RS1: variants seen among roughly 807,000 people sequenced by gnomAD.
The protein encoded by RS1 is retinoschisin.
RS1 carries 2 observed loss-of-function variants against 20.8 expected under a neutral mutation model. The ratio of observed to expected loss-of-function variants is 0.10; its 90% CI spans 0.04 to 0.30. RS1 has a LOEUF of 0.30. Among genes scored for constraint, RS1 ranks in the 10% least tolerant of loss-of-function variants. RS1 has a pLI of 1.00. For missense variants in RS1, 151 were observed against 189.8 expected (o/e 0.80, Z 1.20); for synonymous variants, 70 against 75.8 (o/e 0.92, Z 0.40).
chrX:18,647,644 A>C, intron 3 of RS1: 1 of 303,846 alleles, frequency 3.3e-6, no homozygotes, highest in Non-Finnish European at 5.9e-6. Context: ...TCCTCCACCA[A>C]CTTAGAGATC....
rs930897014 is a variant in RS1, at chrX:18,640,819, C to T, written c.*1185G>A. 8.9e-6 allele frequency: 1 copy of T among 112,546 alleles called. No individual in the cohort carries two copies. Among genetic ancestry groups the T allele is most frequent in the Admixed American group, 9.4e-5 (1 of 10,635 alleles). The allele number at this position is 112,546 out of a possible 1,213,427, so 9.3% of individuals were successfully genotyped here. On this transcript the variant is annotated 3_prime_UTR_variant, in exon 6 of 6. Coordinates refer to ENST00000379984, the MANE Select transcript of RS1 (RefSeq NM_000330.4). The stretch of plus-strand genomic sequence containing the variant: ...TCTCCATATCCCTCTCCTGCCCCTC[C>T]CCCGTGTTAACAGCCTCTCCCAGGA...
At chrX:18,661,993 C>G (rs1455356359) in intron 1 of RS1, among the ~76,000 whole-genome samples, 2 of 111,949 alleles carry the variant, frequency 1.8e-5, no homozygotes, top group Non-Finnish European at 3.8e-5. Context: ...TCCGTGGGCA[C>G]AGGCCTGGGG....
chrX:18,645,665 C>T (rs918879532), intron 4 of RS1, among the ~76,000 whole-genome samples: 1 of 111,372 alleles, frequency 9.0e-6, no homozygotes, highest in Non-Finnish European at 1.9e-5. Context: ...CAACTACTCT[C>T]CCTGGATTGC....
At chrX:18,644,993 C>G (rs1389046370) in intron 4 of RS1, among the ~76,000 whole-genome samples, 2 of 112,092 alleles carry the variant, frequency 1.8e-5, no homozygotes, top group African/African-American at 6.5e-5. Context: ...GCTTGAGACT[C>G]CCAGGGTGAA....
intron 1 of RS1, among the ~76,000 whole-genome samples, chrX:18,669,448 G>A (rs374150481): frequency 1.1e-5 from 1 of 93,376 alleles, no homozygotes; most frequent in East Asian, 3.7e-4. Flanking sequence ...CCGAGATCAC[G>A]CCACTGCACT....
rs976721012 is a variant in RS1 at position 18,645,074 on chromosome X, C to CAG, written c.327-451_327-450dup. 5.8e-4 allele frequency among the ~76,000 whole-genome samples: 65 copies of CAG among 112,462 alleles called. 1 individual carries two copies. The highest frequency in any genetic ancestry group is 2.1e-3 in the African/African-American group (64 of 30,913). ...CGGTTGGTGACATTCCTGCCTCGTG[C>CAG]AGAGCACTGACCCATGTGGATCTAG... is the stretch of plus-strand genomic sequence containing the variant. On this transcript the variant is annotated intron_variant, in intron 4 of 5. Transcript: ENST00000379984.
rs56314934 is a variant in RS1 at position 18,663,336 on chromosome X, C to CT, written c.53-5672dup. On this transcript the variant is annotated intron_variant, in intron 1 of 5. Transcript: ENST00000379984. ...TACAGGCGTGAGCCACTGTGCCTGGCTTTTTTTTTTTTTTTTTTTTTTTTT... is the reference window on the plus strand; with the variant it reads ...TACAGGCGTGAGCCACTGTGCCTGGCTTTTTTTTTTTTTTTTTTTTTTTTTT... 5.8e-3 allele frequency among the ~76,000 whole-genome samples: 165 copies of CT among 28,281 alleles called. 4 individuals carry two copies. Among genetic ancestry groups the CT allele is most frequent in the Admixed American group, 0.015 (26 of 1,696 alleles). The allele number at this position is 28,281 out of a possible 115,157, so 24.6% of individuals were successfully genotyped here.
In RS1 at chrX:18,641,202, G is replaced by C. The variant is rs1414488699; in HGVS notation, c.*802C>G. ...AATTGTACTGTGTTGTGGTCATTTG[G>C]GGTCCCTACATATACTGAGATGTGC... On this transcript the variant is annotated 3_prime_UTR_variant, in exon 6 of 6. Coordinates refer to ENST00000379984, the MANE Select transcript of RS1 (RefSeq NM_000330.4). 1 of 111,722 alleles carries C rather than the reference G, an allele frequency of 9.0e-6. No homozygotes were observed. The highest frequency in any genetic ancestry group is 3.3e-5 in the African/African-American group (1 of 30,688). 9.2% of individuals were successfully genotyped at this position (111,722 alleles called of 1,213,427 possible).
In RS1 at chrX:18,671,329, A is replaced by G. The variant is rs186873796; in HGVS notation, c.52+688T>C. On this transcript the variant is annotated intron_variant, in intron 1 of 5. Transcript: ENST00000379984. The stretch of plus-strand genomic sequence containing the variant: ...TGGGTACTTGAGAATTGAGAGAGGC[A>G]TGAAAGAATATTATTTCAAAGATTG... Among the ~76,000 whole-genome samples, 74 of 112,563 alleles carry G rather than the reference A, an allele frequency of 6.6e-4. 2 individuals are homozygous for G. The highest frequency in any genetic ancestry group is 2.3e-3 in the African/African-American group (70 of 31,058).
intron 4 of RS1, among the ~76,000 whole-genome samples, chrX:18,645,303 C>T (rs1404105652): frequency 9.0e-6 from 1 of 111,163 alleles, no homozygotes; most frequent in African/African-American, 3.3e-5. Context: ...CCTTGGGTGG[C>T]TCCTGACTTT....
At chrX:18,652,842 G>A (rs751491835) in intron 3 of RS1, among the ~76,000 whole-genome samples, 7 of 112,491 alleles carry the variant, frequency 6.2e-5, no homozygotes, top group Non-Finnish European at 1.1e-4. Flanking sequence ...GAGCCATGAT[G>A]TGATCATGAG....
At chrX:18,664,104 CAT>C (rs896851345) in intron 1 of RS1, among the ~76,000 whole-genome samples, 4 of 112,340 alleles carry the variant, frequency 3.6e-5, no homozygotes, top group Admixed American at 2.8e-4. Context: ...AAACCAAAAA[CAT>C]GTGCTAGATG....
At chrX:18,651,782 A>T (rs2147199479) in intron 3 of RS1, among the ~76,000 whole-genome samples, 1 of 112,127 alleles carries the variant, frequency 8.9e-6, no homozygotes, top group East Asian at 2.8e-4. Flanking sequence ...GACATTTCCC[A>T]CACTGTGTGT....
chrX:18,666,775 G>A (rs1468054084), intron 1 of RS1, among the ~76,000 whole-genome samples: 3 of 110,629 alleles, frequency 2.7e-5, no homozygotes, highest in African/African-American at 9.9e-5. Flanking sequence ...CAGGATCTGC[G>A]GGCAGATTAC....
At chrX:18,651,264 T>TGTGTGA (rs1491242962) in intron 3 of RS1, among the ~76,000 whole-genome samples, 23 of 69,010 alleles carry the variant, frequency 3.3e-4, no homozygotes, top group African/African-American at 1.1e-3. Flanking sequence ...TGTGTGTGTG[T>TGTGTGA]GAGAGAGAGA....
At chrX:18,648,082 A>T (rs183569290) in intron 3 of RS1, among the ~76,000 whole-genome samples, 1 of 110,772 alleles carries the variant, frequency 9.0e-6, no homozygotes, top group African/African-American at 3.3e-5. Context: ...CATGCCTGTA[A>T]TCCCAGCTAC....
At chrX:18,649,713 C>T (rs760364531) in intron 3 of RS1, among the ~76,000 whole-genome samples, 45 of 112,148 alleles carry the variant, frequency 4.0e-4, no homozygotes, top group Non-Finnish European at 7.3e-4. Flanking sequence ...TTTGAAAGTG[C>T]ACCTTGAAAA....
intron 3 of RS1, among the ~76,000 whole-genome samples, chrX:18,652,618 A>G (rs1157635401): frequency 2.7e-5 from 3 of 111,647 alleles, no homozygotes; most frequent in Admixed American, 1.9e-4. Context: ...GCAGTGAGCC[A>G]AGATCGTGCC....
rs1383130063 is a variant in RS1, at chrX:18,672,001, G to A, written c.52+16C>T. On this transcript the variant is annotated intron_variant, in intron 1 of 5. Coordinates refer to ENST00000379984, the MANE Select transcript of RS1 (RefSeq NM_000330.4). ...ATTAAGTATGCAATGAATGTCAATG[G>A]TTGAATAGCACATACCTTCATAGCC... The A allele has an allele frequency of 2.5e-6, 3 of 1,190,764 alleles. No individual in the cohort carries two copies. Among genetic ancestry groups the A allele is most frequent in the African/African-American group, 3.5e-5 (2 of 56,785 alleles).
Sources: allele counts gnomAD v4.1 joint callset (sites outside exome capture counted in the v4.1 genomes callset), GRCh38; gene constraint gnomAD v4.1.1; transcripts MANE v1.5; gene names NCBI Gene and HGNC (gene_info 2026-07-23, HGNC 2026-07-21).